Variants in ZNF264 observed in about 807,000 individuals in gnomAD.
The protein encoded by ZNF264 is zinc finger protein 264.
A neutral mutation model predicts 11.2 loss-of-function variants in ZNF264; 11 were observed. The observed-to-expected ratio is 0.98, with a 90% CI of 0.62 to 1.63. The LOEUF is 1.63. Among genes scored for constraint, ZNF264 ranks in the 40% most tolerant of loss-of-function variants. The probability of loss-of-function intolerance (pLI) is 0.00; values close to 1 mark genes in which losing one functional copy is unlikely to be tolerated. For synonymous variants in ZNF264, 309 were observed against 279.8 expected, an observed-to-expected ratio of 1.10 and a Z score of -1.04; for missense variants, 752 against 768.1, an observed-to-expected ratio of 0.98 and a Z score of 0.25.
intron 3 of ZNF264, among the ~76,000 whole-genome samples, chr19:57,206,305 A>G (rs943914413): frequency 1.4e-4 from 22 of 151,926 alleles, no homozygotes; most frequent in Non-Finnish European, 2.6e-4. Flanking sequence ...GTGCAGTGGC[A>G]CAGTCTCGGC....
intron 2 of ZNF264, among the ~76,000 whole-genome samples, chr19:57,204,217 C>CAAA (rs34929108): frequency 7.1e-5 from 6 of 84,506 alleles, no homozygotes; most frequent in East Asian, 3.7e-4. Flanking sequence ...GACTCCGTCT[C>CAAA]AAAAAAAAAA....
At chr19:57,201,039 AT>A (rs1286505704) in intron 2 of ZNF264, among the ~76,000 whole-genome samples, 10 of 151,874 alleles carry the variant, frequency 6.6e-5, no homozygotes, top group Admixed American at 6.6e-4. Context: ...AATTATGGAC[AT>A]TGTTTTAATT....
rs531689314 is a variant in ZNF264, at chr19:57,212,765, G to A, written c.1668G>A (p.Gln556=). ...KAFSRSSSLT[Q]HQRMHTGKNP... is the part of the protein sequence containing the mutation. ...TCAGTCGCAGCTCGTCCCTCACTCA[G>A]CATCAAAGGATGCATACTGGGAAAA... is the stretch of plus-strand genomic sequence containing the variant. Residue 556 remains glutamine (Q), a synonymous_variant, in exon 4 of 4, where the codon CAG becomes CAA. Transcript: ENST00000263095. The A allele has an allele frequency of 1.2e-6, 2 of 1,614,096 alleles. No homozygotes were observed. The highest frequency in any genetic ancestry group is 2.2e-5 in the East Asian group (1 of 44,870).
Position 57,211,478 on chromosome 19 carries a change from G to A in ZNF264, c.381G>A (p.Glu127=). The change falls in exon 4 of 4, where the codon GAG becomes GAA. Residue 127 remains glutamate, a synonymous_variant. Coordinates refer to ENST00000263095, the MANE Select transcript of ZNF264 (RefSeq NM_003417.5). Reference sequence around the variant, plus strand: ...TGGACTCACAGTTGGGGCAAGCCGAGGATCAGGATGGGCTATCAGAAATGC... The same window carrying A: ...TGGACTCACAGTTGGGGCAAGCCGAAGATCAGGATGGGCTATCAGAAATGC... ...NSVDSQLGQA[E]DQDGLSEMQE... 6.2e-7 allele frequency: 1 copy of A among 1,614,106 alleles called. No individual in the cohort carries two copies. The highest frequency in any genetic ancestry group is 8.5e-7 in the Non-Finnish European group (1 of 1,180,022).
At position 57,221,741 on chromosome 19, in the gene ZNF264, A is replaced by G. The variant is rs2087418600; in HGVS notation, c.*8760A>G. 6.6e-6 allele frequency: 1 copy of G among 152,162 alleles called. No homozygotes were observed. The highest frequency in any genetic ancestry group is 2.4e-5 in the African/African-American group (1 of 41,440). The allele number at this position is 152,162 out of a possible 1,614,324, so 9.4% of individuals were successfully genotyped here. On this transcript the variant is annotated 3_prime_UTR_variant, in exon 4 of 4. Coordinates refer to ENST00000263095, the MANE Select transcript of ZNF264 (RefSeq NM_003417.5). ...AATTCTGGACTTCCAGAAGGTTAGC[A>G]GGGGTTCAGCTTTTCAGCTGAAAAC...
Position 57,207,574 on chromosome 19 carries a change from C to A in ZNF264, c.256+2082C>A, listed in dbSNP as rs376877281. 4.1e-5 allele frequency among the ~76,000 whole-genome samples: 5 copies of A among 122,982 alleles called. No individual in the cohort carries two copies. The East Asian group carries it at 1.2e-3, about 30-fold the overall frequency. The allele number at this position is 122,982 out of a possible 152,430, so 80.7% of individuals were successfully genotyped here. A position where few individuals can be genotyped will look rare whatever the true frequency, so the allele number is the denominator to read the frequency against. On this transcript the variant is annotated intron_variant, in intron 3 of 3. Transcript: ENST00000263095. ...TTTTTTTTTTTTTTTTTTAGAGTCT[C>A]TCTGTGTAGCCCAGGCTGGAGTGCA... is the stretch of plus-strand genomic sequence containing the variant.
At chr19:57,195,997 A>G (rs755016784) in intron 2 of ZNF264, among the ~76,000 whole-genome samples, 10 of 151,768 alleles carry the variant, frequency 6.6e-5, no homozygotes, top group Non-Finnish European at 1.0e-4. Flanking sequence ...AATCCTGGCT[A>G]TGGGAGAAAC....
At chr19:57,199,291 G>C (rs2087234535) in intron 2 of ZNF264, among the ~76,000 whole-genome samples, 1 of 151,940 alleles carries the variant, frequency 6.6e-6, no homozygotes. Flanking sequence ...AGATGCAGGT[G>C]CTGCCCTCGC....
intron 2 of ZNF264, among the ~76,000 whole-genome samples, chr19:57,202,924 C>T (rs1447484793): frequency 6.6e-6 from 1 of 152,092 alleles, no homozygotes; most frequent in Non-Finnish European, 1.5e-5. Flanking sequence ...CAGCCCTCAA[C>T]CTGTGGGATC....
At chr19:57,200,002 T>TAA (rs1348663360) in intron 2 of ZNF264, among the ~76,000 whole-genome samples, 2 of 89,800 alleles carry the variant, frequency 2.2e-5, no homozygotes, top group African/African-American at 5.0e-5. Context: ...CCTCCACTCC[T>TAA]AAAAAAAAAA....
chr19:57,207,550 T>C (rs1430441133), intron 3 of ZNF264, among the ~76,000 whole-genome samples: 71 of 144,508 alleles, frequency 4.9e-4, no homozygotes, highest in Non-Finnish European at 8.0e-4. Flanking sequence ...CTTTTCTTTT[T>C]TTTTTTTTTT....
At chr19:57,193,767 T>C in intron 1 of ZNF264, 108 bp from the exon 2 acceptor site, 1 of 1,480,964 alleles carries the variant, frequency 6.8e-7, no homozygotes, top group South Asian at 1.3e-5. Context: ...CAGGAGGTGC[T>C]CTGTGATTCA....
chr19:57,193,879 C>G lies in ZNF264; in HGVS notation c.38C>G (p.Ser13Cys). 1 of 1,614,104 alleles carries G rather than the reference C, an allele frequency of 6.2e-7. No individual in the cohort carries two copies. The highest frequency in any genetic ancestry group is 8.5e-7 in the Non-Finnish European group (1 of 1,179,998). The change falls in exon 2 of 4, where the codon TCT becomes TGT. Residue 13 changes from serine to cysteine, a missense_variant. Transcript: ENST00000263095. ...TAATTCTGTTTGACTTTCCAGGTGT[C>G]TGTGACCTTTGATGATGTGGCTGTG... ...AAVLTDRAQV[S>C]VTFDDVAVTF...
Position 57,211,538 on chromosome 19 carries a change from G to A in ZNF264, c.441G>A (p.Gln147=). 1 of 1,614,056 alleles carries A rather than the reference G, an allele frequency of 6.2e-7. No homozygotes were observed. The highest frequency in any genetic ancestry group is 8.5e-7 in the Non-Finnish European group (1 of 1,180,002). ...ACTTCAGACCAGGAATAGATCCCCA[G>A]GAGAAGTCTCCTGGGAAGATGAGCC... ...EGHFRPGIDP[Q]EKSPGKMSPE... The change falls in exon 4 of 4, where the codon CAG becomes CAA. Residue 147 remains glutamine (Q), a synonymous_variant. Transcript: ENST00000263095.
Position 57,218,373 on chromosome 19 carries a change from C to A in ZNF264, c.*5392C>A, listed in dbSNP as rs1483807230. 6.6e-6 allele frequency: 1 copy of A among 152,158 alleles called. No individual in the cohort carries two copies. The highest frequency in any genetic ancestry group is 1.5e-5 in the Non-Finnish European group (1 of 68,034). 9.4% of individuals were successfully genotyped at this position (152,158 alleles called of 1,614,324 possible). A position where few individuals can be genotyped will look rare whatever the true frequency, so the allele number is the denominator to read the frequency against. Reference sequence around the variant, plus strand: ...CTATTTTACAATGCATCAGTTCTGTCAAGCTTCATTCAAAGTGTTTTTCAT... The same window carrying A: ...CTATTTTACAATGCATCAGTTCTGTAAAGCTTCATTCAAAGTGTTTTTCAT... On this transcript the variant is annotated 3_prime_UTR_variant, in exon 4 of 4. Coordinates refer to ENST00000263095, the MANE Select transcript of ZNF264 (RefSeq NM_003417.5).
rs1313603887 is a variant in ZNF264 at position 57,219,248 on chromosome 19, A to G, written c.*6267A>G. The G allele has an allele frequency of 6.6e-6, 1 of 151,790 alleles. No homozygotes were observed. Among genetic ancestry groups the G allele is most frequent in the African/African-American group, 2.4e-5 (1 of 41,304 alleles). The allele number at this position is 151,790 out of a possible 1,614,324, so 9.4% of individuals were successfully genotyped here. A position where few individuals can be genotyped will look rare whatever the true frequency, so the allele number is the denominator to read the frequency against. ...TCCAGGATCACTCTTGCCTTTTGTT[A>G]TTGGACACATTTTCCTACCTCCTGC... On this transcript the variant is annotated 3_prime_UTR_variant, in exon 4 of 4. Transcript: ENST00000263095.
chr19:57,207,436 G>A (rs1230045029), intron 3 of ZNF264, among the ~76,000 whole-genome samples: 2 of 151,518 alleles, frequency 1.3e-5, no homozygotes, highest in Non-Finnish European at 2.9e-5. Context: ...CCTATACCAG[G>A]GTCTAGAACA....
Position 57,213,337 on chromosome 19 carries a change from T to A in ZNF264, c.*356T>A, listed in dbSNP as rs188432643. 146 of 183,354 alleles carry A rather than the reference T, an allele frequency of 8.0e-4. No individual in the cohort carries two copies. The highest frequency in any genetic ancestry group is 2.7e-3 in the African/African-American group (117 of 42,572). The allele number at this position is 183,354 out of a possible 1,614,324, so 11.4% of individuals were successfully genotyped here. ...ACCCTTTATGTGCTTGTATGTACATTTATTGCTATCCAGTGTCAGAACAGT... is the reference window on the plus strand; with the variant it reads ...ACCCTTTATGTGCTTGTATGTACATATATTGCTATCCAGTGTCAGAACAGT... On this transcript the variant is annotated 3_prime_UTR_variant, in exon 4 of 4. Coordinates refer to ENST00000263095, the MANE Select transcript of ZNF264 (RefSeq NM_003417.5).
chr19:57,207,410 C>T (rs187524785), intron 3 of ZNF264, among the ~76,000 whole-genome samples: 98 of 152,218 alleles, frequency 6.4e-4, no homozygotes, highest in Non-Finnish European at 1.2e-3. Context: ...AGGTCTTGCC[C>T]CAGTCATGGC....
Sources: allele counts gnomAD v4.1 joint callset (sites outside exome capture counted in the v4.1 genomes callset), GRCh38; gene constraint gnomAD v4.1.1; transcripts MANE v1.5; gene names NCBI Gene and HGNC (gene_info 2026-07-23, HGNC 2026-07-21).